Variants in GALNT2 observed in about 807,000 individuals in gnomAD.
GALNT2 encodes the protein polypeptide N-acetylgalactosaminyltransferase 2.
GALNT2 carries 31 observed loss-of-function variants against 81.4 expected under a neutral mutation model. The ratio of observed to expected loss-of-function variants is 0.38; its 90% CI spans 0.29 to 0.51. The LOEUF (loss-of-function observed/expected upper bound fraction) is 0.51. GALNT2 is among the 20% of genes least tolerant of loss of function. GALNT2 has a pLI of 0.87. For synonymous variants in GALNT2, 303 were observed against 287.4 expected, an observed-to-expected ratio of 1.05 and a Z score of -0.55; for missense variants, 629 against 765.7, an observed-to-expected ratio of 0.82 and a Z score of 2.11.
intron 1 of GALNT2, among the ~76,000 whole-genome samples, chr1:230,127,101 TC>T (rs1337027413): frequency 2.6e-5 from 4 of 151,494 alleles, no homozygotes; most frequent in African/African-American, 7.3e-5. Flanking sequence ...TAAACAAACG[TC>T]CCCCCCTCCC....
chr1:230,132,246 C>T (rs1043746126), intron 1 of GALNT2, among the ~76,000 whole-genome samples: 2 of 152,192 alleles, frequency 1.3e-5, no homozygotes, highest in Non-Finnish European at 2.9e-5. Context: ...TAACTCTCTT[C>T]TGATTTGGTT....
chr1:230,254,198 A>C (rs1665635484), intron 10 of GALNT2, among the ~76,000 whole-genome samples: 1 of 152,108 alleles, frequency 6.6e-6, no homozygotes, highest in Non-Finnish European at 1.5e-5. Context: ...TCACTCACCT[A>C]GTCAGTGGTG....
intron 3 of GALNT2, among the ~76,000 whole-genome samples, chr1:230,233,396 C>T (rs943885263): frequency 1.3e-5 from 2 of 152,090 alleles, no homozygotes; most frequent in Non-Finnish European, 2.9e-5. Flanking sequence ...AGGCAGATCA[C>T]GAGGTCAGGA....
At chr1:230,064,751 A>T (rs1254264786), upstream of GALNT2, among the ~76,000 whole-genome samples, 1 of 152,096 alleles carries the variant, frequency 6.6e-6, no homozygotes. Context: ...ACCTCAGGTG[A>T]TCCACCCACT....
rs144107016 is a variant in GALNT2, at chr1:230,100,572, C to T, written c.126+33166C>T. ...AACTCGCCACCTCAGGCGATCTGCC[C>T]GCCTCGGCCTCCCAAAGTGCTGGGA... On this transcript the variant is annotated intron_variant, in intron 1 of 15. Transcript: ENST00000366672. Among the ~76,000 whole-genome samples, 666 of 152,250 alleles carry T rather than the reference C, an allele frequency of 4.4e-3. 10 individuals are homozygous for T. Among genetic ancestry groups the T allele is most frequent in the Non-Finnish European group, 3.9e-3 (262 of 68,008 alleles).
intron 1 of GALNT2, among the ~76,000 whole-genome samples, chr1:230,083,315 T>G (rs1335900459): frequency 6.3e-5 from 5 of 79,492 alleles, no homozygotes; most frequent in Admixed American, 1.5e-4. Context: ...GATGATGGAG[T>G]GGGGAGCGAG....
At chr1:230,127,416 A>C (rs1661220835) in intron 1 of GALNT2, among the ~76,000 whole-genome samples, 2 of 151,840 alleles carry the variant, frequency 1.3e-5, no homozygotes, top group Admixed American at 6.6e-5. Flanking sequence ...TCGCACTCTC[A>C]CCAGGCAGGA....
chr1:230,179,020 T>C (rs555982195), intron 2 of GALNT2, among the ~76,000 whole-genome samples: 1 of 151,604 alleles, frequency 6.6e-6, no homozygotes, highest in East Asian at 1.9e-4. Flanking sequence ...AATCATAGGG[T>C]ATGTCAGCTT....
At chr1:230,214,873 C>G (rs1664339780) in intron 3 of GALNT2, among the ~76,000 whole-genome samples, 1 of 152,148 alleles carries the variant, frequency 6.6e-6, no homozygotes, top group Non-Finnish European at 1.5e-5. Context: ...GCTTCCTGTT[C>G]ATTGATCCTT....
exon 1 of GALNT2, chr1:230,058,074 A>G (rs891992651): frequency 6.6e-6 from 3 of 456,192 alleles, no homozygotes; most frequent in African/African-American, 6.0e-5. Context: ...CCTATGGCTG[A>G]CAGAGTAAGT....
In GALNT2 at chr1:230,231,117, C is replaced by G. The variant is rs1260733349; in HGVS notation, c.375-4897C>G. ...GTGGACTTGGAAGATGTCTCAGAGC[C>G]TGTCTCATCGGCTGCCTCTCCAAGT... On this transcript the variant is annotated intron_variant, in intron 3 of 15. Transcript: ENST00000366672. Among the ~76,000 whole-genome samples, 6 of 152,322 alleles carry G rather than the reference C, an allele frequency of 3.9e-5. No individual in the cohort carries two copies. In the East Asian group the frequency reaches 1.2e-3, roughly 29 times the overall value.
At chr1:230,084,569 T>G (rs573131340) in intron 1 of GALNT2, among the ~76,000 whole-genome samples, 1 of 151,642 alleles carries the variant, frequency 6.6e-6, no homozygotes, top group South Asian at 2.1e-4. Context: ...GAGACGTTGC[T>G]AGGTGAGGGA....
At chr1:230,183,246 G>C (rs560826543) in intron 2 of GALNT2, among the ~76,000 whole-genome samples, 2 of 151,932 alleles carry the variant, frequency 1.3e-5, no homozygotes, top group African/African-American at 4.8e-5. Context: ...ATTTTCTTTG[G>C]TGTATTTAGA....
chr1:230,073,096 C>T (rs1468724488), intron 1 of GALNT2, among the ~76,000 whole-genome samples: 3 of 152,192 alleles, frequency 2.0e-5, no homozygotes, highest in Non-Finnish European at 4.4e-5. Flanking sequence ...TGCAAACCCC[C>T]CTGAATGGGT....
chr1:230,170,431 A>G (rs557693119), intron 1 of GALNT2, among the ~76,000 whole-genome samples: 7 of 152,280 alleles, frequency 4.6e-5, no homozygotes, highest in African/African-American at 9.6e-5. Flanking sequence ...CTTGCTTTCA[A>G]TGGGGATTTT....
intron 12 of GALNT2, 116 bp downstream of exon 12, chr1:230,262,781 G>GGTT: frequency 7.7e-7 from 1 of 1,306,692 alleles, no homozygotes; most frequent in Non-Finnish European, 1.1e-6. Context: ...GGCGGGAAGG[G>GGTT]GTTGTGGGCA....
intron 1 of GALNT2, among the ~76,000 whole-genome samples, chr1:230,134,112 GTTTTTTT>G (rs977480955): frequency 7.3e-4 from 88 of 120,894 alleles, no homozygotes; most frequent in African/African-American, 2.4e-3. Flanking sequence ...ACCTGAATCT[GTTTTTTT>G]TTTTTTTTTT....
rs183601098 is a variant in GALNT2 at position 230,272,192 on chromosome 1, C to T, written c.1441-2253C>T. ...TCACACTGTCCTAGAGTATGGGTGA[C>T]GTGAGTGCCTGTGGGTGCTTGGAAG... On this transcript the variant is annotated intron_variant, in intron 14 of 15. Transcript: ENST00000366672. Among the ~76,000 whole-genome samples the T allele has an allele frequency of 2.6e-5, 4 of 152,194 alleles. No individual in the cohort carries two copies. The East Asian group carries it at 5.8e-4, about 22-fold the overall frequency.
chr1:230,167,920 T>G (rs979429562), intron 1 of GALNT2, among the ~76,000 whole-genome samples: 1 of 152,060 alleles, frequency 6.6e-6, no homozygotes, highest in African/African-American at 2.4e-5. Flanking sequence ...AAAATGCAAT[T>G]GATTTTTACA....
Sources: allele counts gnomAD v4.1 joint callset (sites outside exome capture counted in the v4.1 genomes callset), GRCh38; gene constraint gnomAD v4.1.1; transcripts MANE v1.5; gene names NCBI Gene and HGNC (gene_info 2026-07-23, HGNC 2026-07-21).